Variants in TAF2 observed in about 807,000 individuals in gnomAD.
TAF2 encodes the protein TATA-box binding protein associated factor 2, also known as transcription initiation factor TFIID subunit 2.
TAF2 carries 61 observed loss-of-function variants against 138.5 expected under a neutral mutation model. The ratio of observed to expected loss-of-function variants is 0.44; its 90% CI spans 0.36 to 0.54. The LOEUF (loss-of-function observed/expected upper bound fraction) is 0.54, where lower values mean the gene tolerates loss of function less well. Ranked by LOEUF, TAF2 falls within the 20% of genes least tolerant of loss-of-function variation. The pLI, the probability that TAF2 is intolerant of heterozygous loss-of-function variation, is 0.00. For missense variants in TAF2, 1,090 were observed against 1,427.9 expected, an observed-to-expected ratio of 0.76 and a Z score of 3.81; for synonymous variants, 475 against 469.9, an observed-to-expected ratio of 1.01 and a Z score of -0.14.
chr8:119,806,263 A>G lies in TAF2; in HGVS notation c.418+20T>C. 1 of 1,589,722 alleles carries G rather than the reference A, an allele frequency of 6.3e-7. No individual in the cohort carries two copies. The highest frequency in any genetic ancestry group is 2.2e-5 in the East Asian group (1 of 44,746). ...CTAACGTGATTTTAGTGTACAGTCA[A>G]TATACTCTTGGTGCTTTACCATCAA... On this transcript the variant is annotated intron_variant, in intron 4 of 25. Coordinates refer to ENST00000378164, the MANE Select transcript of TAF2 (RefSeq NM_003184.4).
At chr8:119,827,694 T>C (rs1826188719) in intron 2 of TAF2, among the ~76,000 whole-genome samples, 1 of 151,410 alleles carries the variant, frequency 6.6e-6, no homozygotes, top group African/African-American at 2.4e-5. Flanking sequence ...AAAGTTGGAG[T>C]GACTACTCTC....
intron 3 of TAF2, among the ~76,000 whole-genome samples, chr8:119,812,825 C>T (rs78034813): frequency 0.045 from 1 of 22 alleles, no homozygotes; most frequent in Non-Finnish European, 0.17. Context: ...ACATACACAC[C>T]ATTTCCTTTA....
At chr8:119,762,279 C>A in intron 19 of TAF2, 136 bp downstream of exon 19, 1 of 792,486 alleles carries the variant, frequency 1.3e-6, no homozygotes, top group South Asian at 1.9e-5. Context: ...AATAATTTAT[C>A]TGTGGGTGGT....
intron 3 of TAF2, among the ~76,000 whole-genome samples, chr8:119,806,955 T>G (rs1824702257): frequency 1.3e-5 from 2 of 152,254 alleles, no homozygotes; most frequent in Admixed American, 6.5e-5. Context: ...TTATTATGAC[T>G]ATCACATTCT....
intron 2 of TAF2, 74 bp downstream of exon 2, chr8:119,831,603 A>C: frequency 9.1e-7 from 1 of 1,103,894 alleles, no homozygotes; most frequent in Non-Finnish European, 1.4e-6. Flanking sequence ...AAACTTTCTA[A>C]GTACTGTGAG....
chr8:119,773,617 A>C (rs916393109), intron 18 of TAF2, among the ~76,000 whole-genome samples: 1 of 151,576 alleles, frequency 6.6e-6, no homozygotes. Flanking sequence ...GAAATATGCC[A>C]AAAGTTATAA....
intron 25 of TAF2, among the ~76,000 whole-genome samples, chr8:119,737,260 T>C (rs1819284292): frequency 6.6e-6 from 1 of 152,194 alleles, no homozygotes; most frequent in African/African-American, 2.4e-5. Flanking sequence ...TTTTTAGGTA[T>C]AACATTACTG....
chr8:119,785,612 C>G (rs1563875245), intron 14 of TAF2, among the ~76,000 whole-genome samples: 1 of 152,128 alleles, frequency 6.6e-6, no homozygotes, highest in African/African-American at 2.4e-5. Context: ...GAAAAAGGAT[C>G]AGCCTTGAAA....
chr8:119,779,529 C>G (rs996197099), intron 17 of TAF2, among the ~76,000 whole-genome samples: 4 of 152,046 alleles, frequency 2.6e-5, no homozygotes, highest in Non-Finnish European at 5.9e-5. Context: ...ACCATAAATT[C>G]GTGAAATGGT....
chr8:119,756,520 T>C (rs775402915), intron 21 of TAF2, among the ~76,000 whole-genome samples: 2 of 152,170 alleles, frequency 1.3e-5, no homozygotes, highest in African/African-American at 2.4e-5. Flanking sequence ...TCAGTAAGTA[T>C]AAAAATCTTA....
intron 2 of TAF2, among the ~76,000 whole-genome samples, chr8:119,825,283 G>A (rs1306002261): frequency 1.3e-5 from 2 of 152,218 alleles, no homozygotes; most frequent in Non-Finnish European, 2.9e-5. Context: ...CTTTGTTTTG[G>A]CTAATTTCTG....
chr8:119,821,829 G>A (rs1825821524), intron 2 of TAF2, among the ~76,000 whole-genome samples: 1 of 152,098 alleles, frequency 6.6e-6, no homozygotes, highest in Admixed American at 6.6e-5. Context: ...TTGAGTCCCG[G>A]AGTTCAGAAC....
At chr8:119,827,122 A>G (rs1826151968) in intron 2 of TAF2, among the ~76,000 whole-genome samples, 3 of 152,044 alleles carry the variant, frequency 2.0e-5, no homozygotes, top group African/African-American at 7.2e-5. Flanking sequence ...GAGCCCAGGG[A>G]GGTTGAGGCT....
chr8:119,733,418 C>T (rs1819013523), intron 25 of TAF2, among the ~76,000 whole-genome samples: 1 of 152,156 alleles, frequency 6.6e-6, no homozygotes, highest in Non-Finnish European at 1.5e-5. Flanking sequence ...AAGGCCCATA[C>T]TCTAGACTAG....
chr8:119,797,840 G>C lies in TAF2; in HGVS notation c.799C>G (p.His267Asp), dbSNP rs1451182352. Residue 267 changes from histidine to aspartate, a missense_variant, in exon 7 of 26, where the codon CAT becomes GAT. His to Asp is a moderately conservative substitution (Grantham distance 81, BLOSUM62 -1). Around this residue, in one of 3 missense-constraint regions of TAF2, gnomAD observed 504 missense variants for 680.9 expected, o/e 0.74. Coordinates refer to ENST00000378164, the MANE Select transcript of TAF2 (RefSeq NM_003184.4). The stretch of plus-strand genomic sequence containing the variant: ...GGAAGAAGTTGGGGCAAACAAAAAT[G>C]AGTAACCTGAAAAGAAGAAGCAAGG... ...LVDPYMHEVT[H>D]FCLPQLLPLL... The C allele has an allele frequency of 1.2e-6, 2 of 1,613,198 alleles. No individual in the cohort carries two copies. The highest frequency in any genetic ancestry group is 1.7e-6 in the Non-Finnish European group (2 of 1,179,584).
intron 2 of TAF2, among the ~76,000 whole-genome samples, chr8:119,830,267 T>A (rs1826363241): frequency 6.6e-6 from 1 of 152,080 alleles, no homozygotes; most frequent in Non-Finnish European, 1.5e-5. Flanking sequence ...ATATTATCTA[T>A]CTCACAGGGT....
intron 3 of TAF2, among the ~76,000 whole-genome samples, chr8:119,816,035 G>A (rs1035870597): frequency 6.7e-6 from 1 of 149,646 alleles, no homozygotes; most frequent in African/African-American, 2.5e-5. Context: ...CTCAACCACT[G>A]TAAGCACACT....
rs548301290 is a variant in TAF2 at position 119,784,235 on chromosome 8, G to T, written c.1860-602C>A. Among the ~76,000 whole-genome samples the T allele has an allele frequency of 2.0e-5, 3 of 152,220 alleles. No individual in the cohort carries two copies. In the East Asian group the frequency reaches 5.8e-4, roughly 29 times the overall value. ...TTATTGTGTACTTACTACAGGCAGG[G>T]TACTTGCTATGGAAAAATCAAAATT... On this transcript the variant is annotated intron_variant, in intron 15 of 25. Coordinates refer to ENST00000378164, the MANE Select transcript of TAF2 (RefSeq NM_003184.4).
chr8:119,811,342 T>C (rs1057230858), intron 3 of TAF2, among the ~76,000 whole-genome samples: 1 of 152,010 alleles, frequency 6.6e-6, no homozygotes, highest in African/African-American at 2.4e-5. Context: ...ATTTGTAAAC[T>C]TTCCCTCTAT....
Sources: allele counts gnomAD v4.1 joint callset (sites outside exome capture counted in the v4.1 genomes callset), GRCh38; gene constraint gnomAD v4.1.1; regional missense constraint gnomAD v4.1.1; transcripts MANE v1.5; gene names NCBI Gene and HGNC (gene_info 2026-07-23, HGNC 2026-07-21).